The following CLDN14 variants were observed in gnomAD, a reference collection of about 807,000 sequenced individuals.
CLDN14 encodes the protein claudin-14.
A neutral mutation model predicts 2.1 loss-of-function variants in CLDN14; 2 were observed. The ratio of observed to expected loss-of-function variants is 0.96; its 90% CI spans 0.39 to 3.01. The LOEUF (loss-of-function observed/expected upper bound fraction) is 3.01. Ranked by LOEUF, CLDN14 falls within the 30% of genes most tolerant of loss-of-function variation. CLDN14 has a pLI of 0.09. For synonymous variants in CLDN14, 136 were observed against 154.4 expected, an observed-to-expected ratio of 0.88 and a Z score of 0.88; for missense variants, 298 against 328.0, an observed-to-expected ratio of 0.91 and a Z score of 0.71.
At chr21:36,490,281 G>A (rs904743513) in intron 2 of CLDN14, among the ~76,000 whole-genome samples, 3 of 152,102 alleles carry the variant, frequency 2.0e-5, no homozygotes, top group African/African-American at 4.8e-5. Flanking sequence ...GTGGGTCACC[G>A]CAGCCTTGAG....
intron 1 of CLDN14, among the ~76,000 whole-genome samples, chr21:36,522,724 C>T (rs757774442): frequency 6.6e-6 from 1 of 152,216 alleles, no homozygotes; most frequent in African/African-American, 2.4e-5. Context: ...CCATTCCTCT[C>T]TTTTCCAAAC....
intron 1 of CLDN14, among the ~76,000 whole-genome samples, chr21:36,478,699 GA>G (rs1359827100): frequency 1.3e-5 from 2 of 152,226 alleles, no homozygotes; most frequent in Non-Finnish European, 2.9e-5. Flanking sequence ...CAGTGATCAA[GA>G]GATGTTTGGC....
rs558446740 is a variant in CLDN14, at chr21:36,534,657, T to C, written c.-219-24157A>G. Among the ~76,000 whole-genome samples, 14 of 152,322 alleles carry C rather than the reference T, an allele frequency of 9.2e-5. No individual in the cohort carries two copies. The East Asian group carries it at 2.1e-3, about 23-fold the overall frequency. ...TCAGCGAGGCGCACACCTGGCCTTA[T>C]GTGCCAGACATTCTACTCCAGGGGC... On this transcript the variant is annotated intron_variant, in intron 1 of 2. Transcript: ENST00000342108.
chr21:36,523,759 AAAAG>A (rs1351267368), intron 1 of CLDN14, among the ~76,000 whole-genome samples: 16 of 78,180 alleles, frequency 2.0e-4, no homozygotes, highest in East Asian at 1.1e-3. Context: ...AAAAAAAAAA[AAAAG>A]AAAGAAAGAG....
At chr21:36,475,471 G>A (rs1247684072) in intron 1 of CLDN14, among the ~76,000 whole-genome samples, 1 of 152,234 alleles carries the variant, frequency 6.6e-6, no homozygotes, top group Admixed American at 6.5e-5. Flanking sequence ...GCTGACTGGG[G>A]TGGGGTCCAT....
In CLDN14 at chr21:36,461,629, TCAA is replaced by T. The variant is rs762948927; in HGVS notation, c.64_66del (p.Leu22del). ...CGCCAGTGCGGCAGGATGGTGGTGATCAACGTGCCCACCATGCCCAGGAAGCTG... is the reference window on the plus strand; with the variant it reads ...CGCCAGTGCGGCAGGATGGTGGTGATCGTGCCCACCATGCCCAGGAAGCTG... On this transcript the variant is annotated inframe_deletion, in exon 2 of 2. Coordinates refer to ENST00000399135, the MANE Select transcript of CLDN14 (RefSeq NM_001146079.2). The T allele has an allele frequency of 5.0e-6, 8 of 1,589,684 alleles. No individual in the cohort carries two copies. The highest frequency in any genetic ancestry group is 6.8e-6 in the Non-Finnish European group (8 of 1,168,852).
At chr21:36,489,391 A>T (rs906141769) in intron 2 of CLDN14, among the ~76,000 whole-genome samples, 3 of 152,090 alleles carry the variant, frequency 2.0e-5, no homozygotes, top group African/African-American at 7.2e-5. Context: ...GCTGATGCTG[A>T]GACACCAATG....
At chr21:36,547,040 G>A (rs759608898) in intron 1 of CLDN14, among the ~76,000 whole-genome samples, 4 of 152,158 alleles carry the variant, frequency 2.6e-5, no homozygotes, top group Admixed American at 6.5e-5. Flanking sequence ...AACAAAGAAC[G>A]ATCAGCCTCA....
chr21:36,559,059 C>T (rs1463572864), intron 1 of CLDN14, among the ~76,000 whole-genome samples: 2 of 152,086 alleles, frequency 1.3e-5, no homozygotes, highest in Non-Finnish European at 2.9e-5. Flanking sequence ...TACCTTGTTC[C>T]TTATCTTAGA....
intron 2 of CLDN14, among the ~76,000 whole-genome samples, chr21:36,495,482 A>G (rs913599897): frequency 3.9e-5 from 6 of 152,222 alleles, no homozygotes; most frequent in African/African-American, 1.4e-4. Context: ...AGTTATGGAA[A>G]AGGGAATCTG....
At chr21:36,536,053 A>T (rs1196305123) in intron 1 of CLDN14, among the ~76,000 whole-genome samples, 2 of 152,238 alleles carry the variant, frequency 1.3e-5, no homozygotes, top group Non-Finnish European at 2.9e-5. Flanking sequence ...TTCAGCACTT[A>T]AGCAGACTGA....
In CLDN14 at chr21:36,540,479, T is replaced by C. The variant is rs537017860; in HGVS notation, c.-219-29979A>G. ...ACATATCTAATTACCAGCTGATTTG[T>C]TCCAGAAAAGAAATCAATGGGGTGC... is the stretch of plus-strand genomic sequence containing the variant. On this transcript the variant is annotated intron_variant, in intron 1 of 2. Coordinates refer to the CLDN14 transcript ENST00000342108. Among the ~76,000 whole-genome samples, 146 of 152,278 alleles carry C rather than the reference T, an allele frequency of 9.6e-4. 1 individual carries two copies. Among genetic ancestry groups the C allele is most frequent in the African/African-American group, 3.3e-3 (137 of 41,542 alleles).
At chr21:36,548,196 A>G (rs2087538277) in intron 1 of CLDN14, among the ~76,000 whole-genome samples, 1 of 149,188 alleles carries the variant, frequency 6.7e-6, no homozygotes, top group Non-Finnish European at 1.5e-5. Flanking sequence ...CCACTCCCCT[A>G]GTAAGTCAAC....
At chr21:36,491,756 G>A (rs1013224377) in intron 2 of CLDN14, among the ~76,000 whole-genome samples, 1 of 152,166 alleles carries the variant, frequency 6.6e-6, no homozygotes, top group African/African-American at 2.4e-5. Flanking sequence ...ACTACTGAAG[G>A]TCATGTGTGA....
rs750946312 is a variant in CLDN14 at position 36,461,411 on chromosome 21, G to T, written c.285C>A (p.Cys95Ter). The change falls in exon 2 of 2, where the codon TGC becomes TGA. Residue 95 changes from cysteine (C) to a stop codon, truncating the protein, a stop_gained. Transcript: ENST00000399135. LOFTEE classifies it low-confidence loss of function (END_TRUNC). ...ACTTCATCCCGATGACGGCGCAGGC[G>T]CAGGCTATGCCCGAGAGCAGGCAGG... ...VISCLLSGIACACAVIGMKCT... is the reference protein window; with the variant it reads ...VISCLLSGIA The T allele has an allele frequency of 1.9e-6, 3 of 1,613,058 alleles. No homozygotes were observed. The highest frequency in any genetic ancestry group is 2.2e-5 in the East Asian group (1 of 44,884).
intron 2 of CLDN14, among the ~76,000 whole-genome samples, chr21:36,496,647 G>A (rs553220426): frequency 5.1e-5 from 7 of 137,004 alleles, no homozygotes; most frequent in African/African-American, 1.4e-4. Context: ...CAGGATACCC[G>A]CCCAGCCAAT....
chr21:36,498,388 G>C lies in CLDN14; in HGVS notation c.-82+11975C>G, dbSNP rs931532802. On this transcript the variant is annotated intron_variant, in intron 2 of 2. Coordinates refer to the CLDN14 transcript ENST00000342108. This position sits in a 1 kb window ranked among gnomAD's most constrained non-coding sequence, Gnocchi z 4.9. ...ATAATACTAATAATGCCTTTTCTCT[G>C]GTCCTGGAAGATCTATATGAACTTG... Among the ~76,000 whole-genome samples, 1 of 152,126 alleles carries C rather than the reference G, an allele frequency of 6.6e-6. No homozygotes were observed. The highest frequency in any genetic ancestry group is 2.4e-5 in the African/African-American group (1 of 41,410).
At chr21:36,507,307 T>C (rs2087142084) in intron 2 of CLDN14, among the ~76,000 whole-genome samples, 1 of 152,274 alleles carries the variant, frequency 6.6e-6, no homozygotes, top group Non-Finnish European at 1.5e-5. Context: ...GTGATGAGCC[T>C]TGGGGACCCC....
chr21:36,542,245 G>T (rs893113765), intron 1 of CLDN14, among the ~76,000 whole-genome samples: 4 of 152,186 alleles, frequency 2.6e-5, no homozygotes, highest in African/African-American at 9.7e-5. Context: ...TTACAGGCGT[G>T]AGCCACCGCT....
Sources: gnomAD v4.1 joint callset for allele counts (sites outside exome capture counted in the v4.1 genomes callset) on GRCh38, gnomAD v4.1.1 for gene constraint, Gnocchi (gnomAD v3.1) non-coding constraint, MANE v1.5 for transcripts, NCBI Gene and HGNC (gene_info 2026-07-23, HGNC 2026-07-21) for gene names.